PAXBP1: variants seen among roughly 807,000 people sequenced by gnomAD.
PAXBP1 encodes PAX3- and PAX7-binding protein 1.
Under a neutral mutation model 119.9 loss-of-function variants are expected in PAXBP1, and 44 were observed. The observed-to-expected ratio is 0.37, with a 90% confidence interval of 0.29 to 0.47. PAXBP1 has a LOEUF of 0.47. Ranked by LOEUF, PAXBP1 falls within the 20% of genes least tolerant of loss-of-function variation. The probability of loss-of-function intolerance (pLI) is 0.99; values close to 1 mark genes in which losing one functional copy is unlikely to be tolerated. For missense variants in PAXBP1, 898 were observed against 1,134.1 expected (o/e 0.79, Z 2.99); for synonymous variants, 393 against 406.6 (o/e 0.97, Z 0.40).
At chr21:32,770,125 T>C (rs1475849249) in intron 1 of PAXBP1, among the ~76,000 whole-genome samples, 183 bp from the exon 2 acceptor site, 2 of 152,212 alleles carry the variant, frequency 1.3e-5, no homozygotes, top group Non-Finnish European at 2.9e-5. Flanking sequence ...CCTAAATTAC[T>C]GTGAAGTAAT....
At chr21:32,759,513 A>C (rs895765725) in intron 6 of PAXBP1, 1 of 595,238 alleles carries the variant, frequency 1.7e-6, no homozygotes, top group African/African-American at 1.9e-5. Context: ...GCGTGACTAC[A>C]CTTTTTCAGA....
rs1190773284 is a variant in PAXBP1 at position 32,750,987 on chromosome 21, A to G, written c.1653T>C (p.Asp551=). ...CATCACTGGAAAGGCCTTCAAGGTGATCTGCCATCTTACCGGTTTGTTCTC... is the reference window on the plus strand; with the variant it reads ...CATCACTGGAAAGGCCTTCAAGGTGGTCTGCCATCTTACCGGTTTGTTCTC... ...QAREQTGKMA[D]HLEGLSSDDE... Residue 551 remains aspartate, a synonymous_variant, in exon 10 of 18, where the codon GAT becomes GAC. Coordinates refer to ENST00000331923, the MANE Select transcript of PAXBP1 (RefSeq NM_016631.4). The G allele has an allele frequency of 6.2e-7, 1 of 1,614,044 alleles. No individual in the cohort carries two copies. The highest frequency in any genetic ancestry group is 1.3e-5 in the African/African-American group (1 of 74,934).
chr21:32,739,568 T>C (rs912203841), intron 15 of PAXBP1, among the ~76,000 whole-genome samples: 1 of 152,128 alleles, frequency 6.6e-6, no homozygotes, highest in African/African-American at 2.4e-5. Context: ...CAATCTATTA[T>C]CTCCACATAG....
At chr21:32,760,493 T>C (rs79464558) in intron 5 of PAXBP1, among the ~76,000 whole-genome samples, 372 of 152,364 alleles carry the variant, frequency 2.4e-3, no homozygotes, top group African/African-American at 8.2e-3. Flanking sequence ...CAAATTGTTA[T>C]AACTGGGAAG....
intron 8 of PAXBP1, among the ~76,000 whole-genome samples, chr21:32,754,074 G>A (rs1294136602): frequency 6.6e-6 from 1 of 152,004 alleles, no homozygotes; most frequent in African/African-American, 2.4e-5. Flanking sequence ...CCATTTATAG[G>A]GCTCATAGCT....
At position 32,745,585 on chromosome 21, in the gene PAXBP1, G is replaced by C. The variant is rs1451066894; in HGVS notation, c.2057C>G (p.Pro686Arg). 6.2e-7 allele frequency: 1 copy of C among 1,613,800 alleles called. No homozygotes were observed. The highest frequency in any genetic ancestry group is 8.5e-7 in the Non-Finnish European group (1 of 1,179,886). The stretch of plus-strand genomic sequence containing the variant: ...AACAGGAGATTTACCTGTTAGTTTA[G>C]GAAGAATCACCTTTTCCACAATGGT... ...LPTIVEKVILPKLTVIAENMW... is the reference protein window; with the variant it reads ...LPTIVEKVILRKLTVIAENMW... Residue 686 changes from proline (P) to arginine (R), a missense_variant, in exon 12 of 18, where the codon CCT (proline) becomes CGT (arginine). Coordinates refer to ENST00000331923, the MANE Select transcript of PAXBP1 (RefSeq NM_016631.4).
At chr21:32,736,252 A>G (rs541542036) in intron 17 of PAXBP1, among the ~76,000 whole-genome samples, 260 of 152,266 alleles carry the variant, frequency 1.7e-3, no homozygotes, top group Middle Eastern at 6.8e-3. Flanking sequence ...GCAGTGGCGC[A>G]ATCTCAGCTC....
chr21:32,749,798 T>G (rs2043931207), intron 10 of PAXBP1, among the ~76,000 whole-genome samples: 1 of 152,060 alleles, frequency 6.6e-6, no homozygotes, highest in Non-Finnish European at 1.5e-5. Context: ...TACAGACCAG[T>G]CTAGAATATA....
At chr21:32,770,415 A>G (rs538756931) in intron 1 of PAXBP1, among the ~76,000 whole-genome samples, 48 of 152,316 alleles carry the variant, frequency 3.2e-4, no homozygotes, top group African/African-American at 1.2e-3. Flanking sequence ...AAAAGTACTA[A>G]ATACTTAAAA....
In PAXBP1 at chr21:32,753,211, C is replaced by T. The variant is rs1206567599; in HGVS notation, c.1508-1993G>A. ...CGGTGGCTCACGCCTGTAATCCCAG[C>T]ACTTTGGGAGGCTGAGGCTGGTGGA... On this transcript the variant is annotated intron_variant, in intron 8 of 17. Coordinates refer to ENST00000331923, the MANE Select transcript of PAXBP1 (RefSeq NM_016631.4). 2.6e-5 allele frequency among the ~76,000 whole-genome samples: 4 copies of T among 152,044 alleles called. No homozygotes were observed. In the South Asian group the frequency reaches 6.2e-4, roughly 24 times the overall value.
At chr21:32,762,900 C>T (rs1601607077) in intron 3 of PAXBP1, among the ~76,000 whole-genome samples, 1 of 120,014 alleles carries the variant, frequency 8.3e-6, no homozygotes, top group Non-Finnish European at 1.7e-5. Flanking sequence ...AACAAGAGCA[C>T]AACTCCGTCT....
chr21:32,750,864 C>T, intron 10 of PAXBP1, 53 bp downstream of exon 10: 1 of 1,338,214 alleles, frequency 7.5e-7, no homozygotes, highest in South Asian at 1.3e-5. Flanking sequence ...AAAAACCATA[C>T]CCAAGTAGAA....
At chr21:32,764,823 T>C (rs1457790561) in intron 2 of PAXBP1, among the ~76,000 whole-genome samples, 1 of 152,208 alleles carries the variant, frequency 6.6e-6, no homozygotes, top group Non-Finnish European at 1.5e-5. Context: ...TTTATCAAAA[T>C]GTCAACAATT....
At chr21:32,759,436 G>A (rs1399831782) in intron 6 of PAXBP1, 167 bp from the exon 7 acceptor site, 42 of 776,196 alleles carry the variant, frequency 5.4e-5, no homozygotes, top group Non-Finnish European at 7.0e-5. Flanking sequence ...AACAAAAAAT[G>A]GCAGTTTACA....
intron 8 of PAXBP1, 116 bp downstream of exon 8, chr21:32,755,114 G>T: frequency 8.6e-7 from 1 of 1,169,160 alleles, no homozygotes. Flanking sequence ...CAACAGCAAG[G>T]AAATTGTTTC....
chr21:32,737,724 C>G (rs1601580685), intron 16 of PAXBP1, among the ~76,000 whole-genome samples: 1 of 152,240 alleles, frequency 6.6e-6, no homozygotes, highest in East Asian at 1.9e-4. Context: ...CCTAAATATA[C>G]TGAATTTCCT....
chr21:32,742,047 T>C (rs889864050), intron 15 of PAXBP1, among the ~76,000 whole-genome samples: 7 of 152,166 alleles, frequency 4.6e-5, no homozygotes, highest in African/African-American at 1.7e-4. Context: ...AATTCCCTTC[T>C]CTTCATAGGA....
At chr21:32,759,636 G>C in intron 6 of PAXBP1, 141 bp downstream of exon 6, 1 of 747,810 alleles carries the variant, frequency 1.3e-6, no homozygotes, top group Non-Finnish European at 2.2e-6. Flanking sequence ...AACAAAGTAT[G>C]AAGTCATCTT....
intron 2 of PAXBP1, among the ~76,000 whole-genome samples, chr21:32,766,044 A>G (rs2044236359): frequency 6.6e-6 from 1 of 152,194 alleles, no homozygotes; most frequent in South Asian, 2.1e-4. Context: ...CTGAGGCAGG[A>G]GAATCGCTTG....
Sources: allele counts gnomAD v4.1 joint callset (sites outside exome capture counted in the v4.1 genomes callset), GRCh38; gene constraint gnomAD v4.1.1; transcripts MANE v1.5; gene names NCBI Gene and HGNC (gene_info 2026-07-23, HGNC 2026-07-21).